The following KREMEN1 variants were observed in gnomAD, a reference collection of about 807,000 sequenced individuals.
The protein encoded by KREMEN1 is kringle containing transmembrane protein 1.
KREMEN1 carries 30 observed loss-of-function variants against 46.5 expected under a neutral mutation model. The ratio of observed to expected loss-of-function variants is 0.65; its 90% CI spans 0.48 to 0.88. The LOEUF (loss-of-function observed/expected upper bound fraction) is 0.88. Ranked by LOEUF, KREMEN1 falls within the 40% of genes least tolerant of loss-of-function variation. The pLI, the probability that KREMEN1 is intolerant of heterozygous loss-of-function variation, is 0.00. For missense variants in KREMEN1, 533 were observed against 596.9 expected (o/e 0.89, Z 1.11); for synonymous variants, 214 against 230.6 (o/e 0.93, Z 0.65).
At chr22:29,077,407 T>C (rs1018713978) in intron 1 of KREMEN1, among the ~76,000 whole-genome samples, 2 of 152,226 alleles carry the variant, frequency 1.3e-5, no homozygotes, top group African/African-American at 4.8e-5. Context: ...TGAAGTGCAG[T>C]GGCGCAATCT....
intron 1 of KREMEN1, among the ~76,000 whole-genome samples, chr22:29,084,347 G>C (rs1315034583): frequency 6.6e-6 from 1 of 152,084 alleles, no homozygotes; most frequent in African/African-American, 2.4e-5. Flanking sequence ...ATCCCAGCAG[G>C]TCCCAGCCTC....
intron 3 of KREMEN1, among the ~76,000 whole-genome samples, chr22:29,107,063 C>A (rs1019865616): frequency 6.6e-6 from 1 of 152,150 alleles, no homozygotes; most frequent in Non-Finnish European, 1.5e-5. Context: ...CTGTTCTCAG[C>A]GAGGAAAGGG....
intron 3 of KREMEN1, among the ~76,000 whole-genome samples, chr22:29,119,940 C>T (rs1322037995): frequency 1.3e-5 from 2 of 151,844 alleles, no homozygotes; most frequent in African/African-American, 4.9e-5. Context: ...ATCACAGGGT[C>T]CTTAGAGAGG....
At chr22:29,088,359 C>T (rs999658639) in intron 1 of KREMEN1, among the ~76,000 whole-genome samples, 5 of 151,934 alleles carry the variant, frequency 3.3e-5, no homozygotes, top group East Asian at 1.9e-4. Context: ...ATGGGGTTCC[C>T]GCTCTGTCAC....
At position 29,141,960 on chromosome 22, in the gene KREMEN1, G is replaced by A. The variant is rs2038769177; in HGVS notation, c.1225G>A (p.Ala409Thr). ...GCTTGACAGATCCCATCGTGTTCCT[G>A]CTTCAGGGGACCTTAGGGATTGTCA... ...HVTFKSHRVPASGDLRDCHQP... is the reference protein window; with the variant it reads ...HVTFKSHRVPTSGDLRDCHQP... Residue 409 changes from alanine (A) to threonine (T), a missense_variant, in exon 9 of 9, where the codon GCT (alanine) becomes ACT (threonine). Transcript: ENST00000400335. 1.2e-6 allele frequency: 2 copies of A among 1,602,150 alleles called. No individual in the cohort carries two copies. The highest frequency in any genetic ancestry group is 1.7e-6 in the Non-Finnish European group (2 of 1,176,110).
At chr22:29,160,768 T>G (rs2039003973) in intron 9 of KREMEN1, among the ~76,000 whole-genome samples, 1 of 152,112 alleles carries the variant, frequency 6.6e-6, no homozygotes, top group Non-Finnish European at 1.5e-5. Flanking sequence ...AATGCCTACC[T>G]CAAGAAGTTA....
chr22:29,148,235 C>T (rs1390035068), downstream of KREMEN1, among the ~76,000 whole-genome samples: 1 of 152,086 alleles, frequency 6.6e-6, no homozygotes, highest in Non-Finnish European at 1.5e-5. Flanking sequence ...CCTGAGCCCC[C>T]CACAAGGAGC....
chr22:29,094,518 T>C (rs1172853229), intron 2 of KREMEN1, 98 bp downstream of exon 2: 11 of 1,056,234 alleles, frequency 1.0e-5, no homozygotes, highest in East Asian at 1.0e-4. Flanking sequence ...GGAAGTCTTT[T>C]GACCAACTCA....
At chr22:29,158,189 G>T (rs935239222) in intron 9 of KREMEN1, among the ~76,000 whole-genome samples, 1 of 152,172 alleles carries the variant, frequency 6.6e-6, no homozygotes, top group African/African-American at 2.4e-5. Flanking sequence ...GGTAAAACAC[G>T]GGGTACCAAT....
chr22:29,116,887 AC>A (rs1347392230), intron 3 of KREMEN1, among the ~76,000 whole-genome samples: 5 of 151,810 alleles, frequency 3.3e-5, no homozygotes, highest in Non-Finnish European at 1.5e-5. Flanking sequence ...AGGCCCCTCC[AC>A]CCCCAACACT....
At chr22:29,154,970 C>A (rs2031422683) in intron 9 of KREMEN1, among the ~76,000 whole-genome samples, 1 of 152,066 alleles carries the variant, frequency 6.6e-6, no homozygotes. Context: ...ACTATGAAAT[C>A]CTATGTCACC....
rs770540311 is a variant in KREMEN1 at position 29,153,506 on chromosome 22, G to A, written c.1416+11406G>A. On this transcript the variant is annotated intron_variant, in intron 9 of 9. Coordinates refer to the KREMEN1 transcript ENST00000327813. The stretch of plus-strand genomic sequence containing the variant: ...TGGGACCACAGGCGTGGGCTGCTAC[G>A]TCCAGCTGATTTTTTCTTTTTTTTT... Among the ~76,000 whole-genome samples the A allele has an allele frequency of 3.3e-5, 5 of 151,986 alleles. No homozygotes were observed. The South Asian group carries it at 6.2e-4, about 19-fold the overall frequency.
In KREMEN1 at chr22:29,094,384, A is replaced by C. The variant is rs748273196; in HGVS notation, c.224A>C (p.Asn75Thr). Residue 75 changes from asparagine to threonine, a missense_variant, in exon 2 of 9, where the codon AAC becomes ACC. Coordinates refer to ENST00000400335, the MANE Select transcript of KREMEN1 (RefSeq NM_001039570.3). ...CCATACAACACTCTGAAATACCCCA[A>C]CGGGGAGGGGGGCCTGGGTGAGCAC... Reference protein sequence around the residue: ...QHPYNTLKYPNGEGGLGEHNY... With the variant: ...QHPYNTLKYPTGEGGLGEHNY... 1 of 1,613,290 alleles carries C rather than the reference A, an allele frequency of 6.2e-7. No individual in the cohort carries two copies. Among genetic ancestry groups the C allele is most frequent in the South Asian group, 1.1e-5 (1 of 91,006 alleles).
intron 1 of KREMEN1, among the ~76,000 whole-genome samples, chr22:29,082,097 T>TTATCTCCTTTTCATCTAGCTGA (rs11272976): frequency 6.6e-6 from 1 of 151,990 alleles, no homozygotes; most frequent in South Asian, 2.1e-4. Context: ...TATATCCAGT[T>TTATCTCCTTTTCATCTAGCTGA]GACCTTCAGA....
At position 29,138,640 on chromosome 22, in the gene KREMEN1, G is replaced by A. The variant is rs747764300; in HGVS notation, c.981G>A (p.Leu327=). ...CTCTTCCAGCCGTCAAGGAAGAACT[G>A]CCACAGGAGAGGCCCGCTGTCAACC... ...AVLYQAVKEE[L]PQERPAVNQT... Residue 327 remains leucine, a synonymous_variant, in exon 7 of 9, where the codon CTG becomes CTA. Coordinates refer to ENST00000400335, the MANE Select transcript of KREMEN1 (RefSeq NM_001039570.3). The A allele has an allele frequency of 1.2e-6, 2 of 1,614,238 alleles. No individual in the cohort carries two copies. The highest frequency in any genetic ancestry group is 1.7e-6 in the Non-Finnish European group (2 of 1,180,042).
intron 9 of KREMEN1, among the ~76,000 whole-genome samples, chr22:29,159,755 C>T (rs892123509): frequency 7.2e-5 from 11 of 152,164 alleles, no homozygotes; most frequent in Non-Finnish European, 8.8e-5. Flanking sequence ...AAACAGAGAA[C>T]GATGAACTCT....
rs746388017 is a variant in KREMEN1, at chr22:29,098,940, A to G, written c.339A>G (p.Ile113Met). ...EDGVYWKYCE[I>M]PACQMPGNLG... ...GTGTCTACTGGAAGTACTGTGAGATACCTGCTTGCCAGAGTAAGACTGTAA... is the reference window on the plus strand; with the variant it reads ...GTGTCTACTGGAAGTACTGTGAGATGCCTGCTTGCCAGAGTAAGACTGTAA... The change falls in exon 3 of 9, where the codon ATA becomes ATG. Residue 113 changes from isoleucine (I) to methionine (M), a missense_variant. Transcript: ENST00000400335. 6.2e-6 allele frequency: 10 copies of G among 1,612,968 alleles called. No individual in the cohort carries two copies. Among genetic ancestry groups the G allele is most frequent in the Non-Finnish European group, 8.5e-6 (10 of 1,178,896 alleles).
intron 4 of KREMEN1, among the ~76,000 whole-genome samples, chr22:29,124,623 GT>G (rs1325716042): frequency 6.6e-6 from 1 of 151,954 alleles, no homozygotes; most frequent in African/African-American, 2.4e-5. Flanking sequence ...CTCCCAAGCA[GT>G]TGGGATTACA....
rs971202099 is a variant in KREMEN1, at chr22:29,137,540, C to G, written c.830C>G (p.Thr277Ser). 2 of 1,613,626 alleles carry G rather than the reference C, an allele frequency of 1.2e-6. No homozygotes were observed. Among genetic ancestry groups the G allele is most frequent in the Admixed American group, 3.3e-5 (2 of 60,028 alleles). The part of the protein sequence containing the change: ...ADMVELLDGY[T>S]HRVLARFHGR... The stretch of plus-strand genomic sequence containing the variant: ...ATGGTGGAGCTTCTGGATGGCTACA[C>G]CCACCGTGTCCTAGCCCGCTTCCAC... The change falls in exon 6 of 9, where the codon ACC becomes AGC. Residue 277 changes from threonine to serine, a missense_variant. Coordinates refer to ENST00000400335, the MANE Select transcript of KREMEN1 (RefSeq NM_001039570.3).
Sources: gnomAD v4.1 joint callset for allele counts (sites outside exome capture counted in the v4.1 genomes callset) on GRCh38, gnomAD v4.1.1 for gene constraint, MANE v1.5 for transcripts, NCBI Gene and HGNC (gene_info 2026-07-23, HGNC 2026-07-21) for gene names.